The following PRKAA1 variants were observed in gnomAD, a reference collection of about 807,000 sequenced individuals.
The protein encoded by PRKAA1 is 5'-AMP-activated protein kinase catalytic subunit alpha-1.
Under a neutral mutation model 56.9 loss-of-function variants are expected in PRKAA1, and 23 were observed. That is an observed-to-expected ratio of 0.40 (90% confidence interval 0.29 to 0.57). The LOEUF (loss-of-function observed/expected upper bound fraction) is 0.57. Ranked by LOEUF, PRKAA1 falls within the 20% of genes least tolerant of loss-of-function variation. The probability of loss-of-function intolerance (pLI) is 0.39; values close to 1 mark genes in which losing one functional copy is unlikely to be tolerated. For synonymous variants in PRKAA1, 226 were observed against 227.0 expected (o/e 1.00, Z 0.04); for missense variants, 413 against 679.7 (o/e 0.61, Z 4.36).
At chr5:40,779,281 C>G (rs533022158) in intron 1 of PRKAA1, among the ~76,000 whole-genome samples, 10 of 151,986 alleles carry the variant, frequency 6.6e-5, no homozygotes, top group Non-Finnish European at 1.2e-4. Context: ...AGATCAAAAT[C>G]CCTAAAATCT....
At chr5:40,770,642 A>G (rs1222707666) in intron 4 of PRKAA1, among the ~76,000 whole-genome samples, 2 of 123,426 alleles carry the variant, frequency 1.6e-5, no homozygotes, top group Non-Finnish European at 3.2e-5. Context: ...TCCGTCGCCC[A>G]GGCCGGACAG....
intron 1 of PRKAA1, among the ~76,000 whole-genome samples, chr5:40,793,249 A>G (rs1744789674): frequency 6.6e-6 from 1 of 152,072 alleles, no homozygotes; most frequent in Non-Finnish European, 1.5e-5. Context: ...TTTTGGGCAG[A>G]GGGAAGGCCC....
chr5:40,788,545 C>CA (rs1359451821), intron 1 of PRKAA1, among the ~76,000 whole-genome samples: 2 of 152,014 alleles, frequency 1.3e-5, no homozygotes, highest in South Asian at 2.1e-4. Flanking sequence ...TTCTGAACAG[C>CA]AAAAAACAAA....
rs779563807 is a variant in PRKAA1, at chr5:40,765,202, A to G, written c.858T>C (p.Tyr286=). ...TATATGATGGATCCTCAGGAAAGAGATATTTTGGAAGGTCCTGTTTAAACC... is the reference window on the plus strand; with the variant it reads ...TATATGATGGATCCTCAGGAAAGAGGTATTTTGGAAGGTCCTGTTTAAACC... ...HEWFKQDLPK[Y]LFPEDPSYSS... The change falls in exon 7 of 9, where the codon TAT becomes TAC. Residue 286 remains tyrosine (Y), a synonymous_variant. Coordinates refer to ENST00000397128, the MANE Select transcript of PRKAA1 (RefSeq NM_006251.6). The G allele has an allele frequency of 3.7e-6, 6 of 1,613,824 alleles. No homozygotes were observed. The highest frequency in any genetic ancestry group is 1.7e-4 in the Middle Eastern group (1 of 6,060).
chr5:40,775,853 A>T (rs1743977582), intron 2 of PRKAA1, among the ~76,000 whole-genome samples: 1 of 152,216 alleles, frequency 6.6e-6, no homozygotes, highest in South Asian at 2.1e-4. Flanking sequence ...GAGGAAAGCG[A>T]AACTGGGAGA....
chr5:40,774,496 A>G lies in PRKAA1; in HGVS notation c.363+914T>C, dbSNP rs527645929. On this transcript the variant is annotated intron_variant, in intron 3 of 8. Transcript: ENST00000397128. ...AACCAAGAAATAAACAACAACAGAA[A>G]AGATAAGAAAAATATATATCAATTG... is the stretch of plus-strand genomic sequence containing the variant. Among the ~76,000 whole-genome samples, 4 of 152,184 alleles carry G rather than the reference A, an allele frequency of 2.6e-5. No homozygotes were observed. In the South Asian group the frequency reaches 8.3e-4, roughly 32 times the overall value.
chr5:40,770,210 C>T (rs1743667558), intron 4 of PRKAA1, among the ~76,000 whole-genome samples: 1 of 152,148 alleles, frequency 6.6e-6, no homozygotes, highest in Non-Finnish European at 1.5e-5. Context: ...CGCCTGTAAT[C>T]CCAGCACTTT....
chr5:40,773,199 T>A (rs1184071350), intron 3 of PRKAA1, among the ~76,000 whole-genome samples: 1 of 152,174 alleles, frequency 6.6e-6, no homozygotes, highest in Non-Finnish European at 1.5e-5. Flanking sequence ...CAAGAAACTA[T>A]TATAAGATAC....
intron 3 of PRKAA1, among the ~76,000 whole-genome samples, chr5:40,774,765 A>G (rs1743916559): frequency 1.3e-5 from 2 of 152,176 alleles, no homozygotes; most frequent in Non-Finnish European, 2.9e-5. Context: ...AGGGCTAGCT[A>G]CAGCTCTCCC....
intron 1 of PRKAA1, among the ~76,000 whole-genome samples, chr5:40,778,535 TACAC>T (rs1472153663): frequency 6.6e-6 from 1 of 152,032 alleles, no homozygotes; most frequent in African/African-American, 2.4e-5. Flanking sequence ...TAACCTATCA[TACAC>T]ACAGACTAAA....
chr5:40,783,930 C>T (rs1372531246), intron 1 of PRKAA1, among the ~76,000 whole-genome samples: 1 of 152,050 alleles, frequency 6.6e-6, no homozygotes, highest in African/African-American at 2.4e-5. Flanking sequence ...GGTTTTATTC[C>T]TGTTTGAAGG....
At chr5:40,765,965 A>C (rs534829234) in intron 6 of PRKAA1, among the ~76,000 whole-genome samples, 48 of 152,004 alleles carry the variant, frequency 3.2e-4, no homozygotes, top group Non-Finnish European at 6.6e-4. Context: ...AAACAAGAAA[A>C]GAACAATGGT....
intron 1 of PRKAA1, among the ~76,000 whole-genome samples, chr5:40,796,339 GAA>G: frequency 6.7e-6 from 1 of 148,722 alleles, no homozygotes; most frequent in Admixed American, 6.7e-5. Context: ...AAAGAAAAAA[GAA>G]AAAAAAATAG....
intron 2 of PRKAA1, among the ~76,000 whole-genome samples, chr5:40,775,989 C>A (rs552324773): frequency 2.6e-5 from 4 of 152,270 alleles, no homozygotes; most frequent in Middle Eastern, 3.4e-3. Context: ...ATTTTACAAG[C>A]CATGATAAGG....
In PRKAA1 at chr5:40,798,196, G is replaced by A. The variant is rs1453804862; in HGVS notation, c.-7C>T. 6 of 1,477,602 alleles carry A rather than the reference G, an allele frequency of 4.1e-6. No individual in the cohort carries two copies. Among genetic ancestry groups the A allele is most frequent in the Non-Finnish European group, 4.5e-6 (5 of 1,102,240 alleles). The allele number at this position is 1,477,602 out of a possible 1,614,324, so 91.5% of individuals were successfully genotyped here. A position where few individuals can be genotyped will look rare whatever the true frequency, so the allele number is the denominator to read the frequency against. On this transcript the variant is annotated 5_prime_UTR_variant, in exon 1 of 9. Transcript: ENST00000397128. ...AGGAACTGAGTCTGCGCATGGCGCT[G>A]CGGGAGGGGGCGGAGGGGGCGGGCA...
chr5:40,786,853 G>A (rs12189463), intron 1 of PRKAA1, among the ~76,000 whole-genome samples: 16,844 of 149,936 alleles, frequency 0.11, 1,265 homozygotes, highest in Non-Finnish European at 0.17. Flanking sequence ...TAGCTACTTG[G>A]GAGGCTGAGT....
At chr5:40,773,944 T>C (rs1031985495) in intron 3 of PRKAA1, among the ~76,000 whole-genome samples, 1 of 152,234 alleles carries the variant, frequency 6.6e-6, no homozygotes, top group African/African-American at 2.4e-5. Context: ...CTAGTGAGAC[T>C]TGCATCTCTT....
intron 1 of PRKAA1, among the ~76,000 whole-genome samples, chr5:40,780,427 G>A (rs1002601996): frequency 2.0e-5 from 3 of 152,068 alleles, no homozygotes; most frequent in African/African-American, 4.8e-5. Context: ...CATAATTCTC[G>A]ACAGACAGCA....
intron 1 of PRKAA1, 35 bp downstream of exon 1, chr5:40,798,028 A>C (rs754196609): frequency 1.4e-5 from 23 of 1,599,496 alleles, no homozygotes; most frequent in Non-Finnish European, 2.0e-5. Context: ...GCGGCTCCTC[A>C]GCTGGGGCCA....
Sources: gnomAD v4.1 joint callset for allele counts (sites outside exome capture counted in the v4.1 genomes callset) on GRCh38, gnomAD v4.1.1 for gene constraint, MANE v1.5 for transcripts, NCBI Gene and HGNC (gene_info 2026-07-23, HGNC 2026-07-21) for gene names.